Variants in HDAC9 observed in about 807,000 individuals in gnomAD.
HDAC9 encodes MEF-2 interacting transcription repressor (MITR) protein.
Under a neutral mutation model 139.4 loss-of-function variants are expected in HDAC9, and 41 were observed. The ratio of observed to expected loss-of-function variants is 0.29; its 90% CI spans 0.23 to 0.38. The LOEUF (loss-of-function observed/expected upper bound fraction) is 0.38. Among genes scored for constraint, HDAC9 ranks in the 10% least tolerant of loss-of-function variants. The pLI is 1.00. For synonymous variants in HDAC9, 517 were observed against 476.2 expected (o/e 1.09, Z -1.12); for missense variants, 1,147 against 1,297.0 (o/e 0.88, Z 1.78).
chr7:18,303,071 A>C (rs758370090), intron 1 of HDAC9, among the ~76,000 whole-genome samples: 1 of 152,132 alleles, frequency 6.6e-6, no homozygotes, highest in Non-Finnish European at 1.5e-5. Flanking sequence ...GAAGCCATTA[A>C]AATATTGATA....
chr7:18,894,341 C>T lies in HDAC9; in HGVS notation c.2803+19745C>T, dbSNP rs534305068. Among the ~76,000 whole-genome samples the T allele has an allele frequency of 5.3e-5, 8 of 152,112 alleles. No homozygotes were observed. The East Asian group carries it at 7.7e-4, about 15-fold the overall frequency. ...CACTCTAACATTATGACATTGGAGC[C>T]ATGAGGGGGAGCCATATGAAGCCTG... On this transcript the variant is annotated intron_variant, in intron 22 of 25. Coordinates refer to ENST00000686413, the MANE Select transcript of HDAC9 (RefSeq NM_178425.4).
intron 21 of HDAC9, among the ~76,000 whole-genome samples, chr7:18,840,305 CTTAA>C (rs781511832): frequency 7.2e-5 from 11 of 151,726 alleles, no homozygotes; most frequent in Non-Finnish European, 1.5e-4. Flanking sequence ...ATGTAGCTAC[CTTAA>C]TTAATATTTG....
intron 22 of HDAC9, among the ~76,000 whole-genome samples, chr7:18,875,084 T>A (rs1799219661): frequency 6.6e-6 from 1 of 152,150 alleles, no homozygotes; most frequent in South Asian, 2.1e-4. Flanking sequence ...ACCCTCATAA[T>A]CTCTACTCGT....
chr7:18,201,242 C>G (rs1297817504), intron 2 of HDAC9, among the ~76,000 whole-genome samples: 1 of 152,068 alleles, frequency 6.6e-6, no homozygotes, highest in Non-Finnish European at 1.5e-5. Context: ...ATGTAGCTCC[C>G]CATATGTTAT....
intron 1 of HDAC9, among the ~76,000 whole-genome samples, chr7:18,137,899 C>A (rs1785553356): frequency 1.3e-5 from 2 of 151,798 alleles, no homozygotes; most frequent in Admixed American, 1.3e-4. Flanking sequence ...CCTCCTTGTA[C>A]CTCTGGTAGA....
intron 2 of HDAC9, among the ~76,000 whole-genome samples, chr7:18,541,927 G>A (rs948725789): frequency 1.3e-5 from 2 of 152,090 alleles, no homozygotes; most frequent in Non-Finnish European, 2.9e-5. Flanking sequence ...ACTTCCTACA[G>A]ATATATCCAT....
exon 1 of HDAC9, chr7:18,086,952 G>GCGCGCAC (rs1441020135): frequency 2.1e-5 from 3 of 144,048 alleles, no homozygotes; most frequent in East Asian, 2.1e-4. Context: ...ACATCGCGCA[G>GCGCGCAC]CGCGCACCGA....
chr7:18,577,133 C>T (rs1446940544), intron 2 of HDAC9, among the ~76,000 whole-genome samples: 1 of 152,104 alleles, frequency 6.6e-6, no homozygotes, highest in Non-Finnish European at 1.5e-5. Flanking sequence ...ACTAAATAGG[C>T]CAGATTTTGT....
At chr7:18,378,319 A>G (rs569435433) in intron 1 of HDAC9, among the ~76,000 whole-genome samples, 1 of 152,266 alleles carries the variant, frequency 6.6e-6, no homozygotes, top group African/African-American at 2.4e-5. Flanking sequence ...TAATTAATTT[A>G]GTATGTGTTT....
At chr7:18,181,444 CT>C (rs2128141161) in intron 2 of HDAC9, among the ~76,000 whole-genome samples, 2 of 152,224 alleles carry the variant, frequency 1.3e-5, no homozygotes, top group South Asian at 4.2e-4. Flanking sequence ...TGTATGTCTC[CT>C]TTTGCACAGT....
At chr7:18,969,067 C>G (rs1784084092) in intron 24 of HDAC9, among the ~76,000 whole-genome samples, 1 of 150,880 alleles carries the variant, frequency 6.6e-6, no homozygotes, top group South Asian at 2.1e-4. Context: ...GCCACACACA[C>G]ACACACACGT....
chr7:18,489,635 AT>A (rs1213607075), intron 1 of HDAC9, among the ~76,000 whole-genome samples: 4 of 152,024 alleles, frequency 2.6e-5, no homozygotes, highest in Non-Finnish European at 5.9e-5. Flanking sequence ...GGCCTGTCTC[AT>A]TCTTGTATAC....
At chr7:18,315,894 T>C (rs1013099989) in intron 1 of HDAC9, among the ~76,000 whole-genome samples, 1 of 152,236 alleles carries the variant, frequency 6.6e-6, no homozygotes, top group African/African-American at 2.4e-5. Flanking sequence ...GAGTGTCTGA[T>C]GGACCTGTGT....
At chr7:18,127,411 C>T (rs997059664) in intron 1 of HDAC9, 1 of 169,794 alleles carries the variant, frequency 5.9e-6, no homozygotes, top group Non-Finnish European at 1.5e-5. Context: ...CTTCTCTAGG[C>T]ATTAAGTCTG....
intron 19 of HDAC9, 121 bp from the exon 20 acceptor site, chr7:18,835,346 G>C (rs915458850): frequency 9.2e-7 from 1 of 1,092,658 alleles, no homozygotes; most frequent in Non-Finnish European, 1.3e-6. Context: ...GAGGAACGTA[G>C]TGAGAAGACA....
At chr7:18,820,714 A>T (rs575180184) in intron 17 of HDAC9, among the ~76,000 whole-genome samples, 1 of 152,174 alleles carries the variant, frequency 6.6e-6, no homozygotes, top group South Asian at 2.1e-4. Flanking sequence ...ATACTATGTA[A>T]ATCTAGCAGC....
Position 18,622,401 on chromosome 7 carries a change from G to A in HDAC9, c.665-6949G>A, listed in dbSNP as rs143334721. 4.0e-3 allele frequency among the ~76,000 whole-genome samples: 607 copies of A among 152,226 alleles called. 3 individuals are homozygous for A. Among genetic ancestry groups the A allele is most frequent in the African/African-American group, 0.014 (581 of 41,534 alleles). On this transcript the variant is annotated intron_variant, in intron 6 of 25. Coordinates refer to ENST00000686413, the MANE Select transcript of HDAC9 (RefSeq NM_178425.4). ...TGCAATGGCATGATCTCGACTCACT[G>A]CAACATCTGCCTCCCAGGTTCAAGC...
chr7:18,367,559 G>T (rs1784283104), intron 1 of HDAC9, among the ~76,000 whole-genome samples: 1 of 151,976 alleles, frequency 6.6e-6, no homozygotes, highest in Non-Finnish European at 1.5e-5. Flanking sequence ...TTTCTTCCTT[G>T]AATAAATGAC....
chr7:18,470,239 CA>C (rs1388437098), intron 1 of HDAC9, among the ~76,000 whole-genome samples: 2 of 151,630 alleles, frequency 1.3e-5, no homozygotes, highest in African/African-American at 4.8e-5. Context: ...GTTGAGCCCA[CA>C]AGTTTGAGGC....
Sources: allele counts gnomAD v4.1 joint callset (sites outside exome capture counted in the v4.1 genomes callset), GRCh38; gene constraint gnomAD v4.1.1; transcripts MANE v1.5; gene names NCBI Gene and HGNC (gene_info 2026-07-23, HGNC 2026-07-21).